Variants in RETSAT observed in about 807,000 individuals in gnomAD.
The protein encoded by RETSAT is all-trans-retinol 13,14-reductase.
RETSAT carries 35 observed loss-of-function variants against 61.6 expected under a neutral mutation model. That is an observed-to-expected ratio of 0.57 (90% CI 0.43 to 0.75). The LOEUF is 0.75. Ranked by LOEUF, RETSAT falls within the 30% of genes least tolerant of loss-of-function variation. The probability of loss-of-function intolerance (pLI) is 0.00; values close to 1 mark genes in which losing one functional copy is unlikely to be tolerated. For missense variants in RETSAT, 670 were observed against 759.5 expected (o/e 0.88, Z 1.38); for synonymous variants, 277 against 310.4 (o/e 0.89, Z 1.13).
chr2:85,346,345 T>C (rs1194521359), intron 5 of RETSAT, among the ~76,000 whole-genome samples: 1 of 152,232 alleles, frequency 6.6e-6, no homozygotes, highest in East Asian at 1.9e-4. Flanking sequence ...TGTATGTTTG[T>C]ATGTACTCTG....
chr2:85,347,810 G>A (rs529919758), intron 5 of RETSAT, among the ~76,000 whole-genome samples: 38 of 152,280 alleles, frequency 2.5e-4, no homozygotes, highest in Middle Eastern at 3.4e-3. Flanking sequence ...AGAAAACCTT[G>A]CCCAACCAAC....
In RETSAT at chr2:85,346,006, G is replaced by A; in HGVS notation, c.1086C>T (p.His362=). 3.1e-6 allele frequency: 5 copies of A among 1,614,192 alleles called. No homozygotes were observed. Among genetic ancestry groups the A allele is most frequent in the Non-Finnish European group, 4.2e-6 (5 of 1,180,032 alleles). Residue 362 remains histidine, a synonymous_variant, in exon 6 of 11, where the codon CAC becomes CAT. Coordinates refer to ENST00000295802, the MANE Select transcript of RETSAT (RefSeq NM_017750.4). ...GGCAGCGGGCGTTCCCCGGCAGTAG[G>A]TGTTCATAGGTGTTGAACAGTCCTG... The part of the protein sequence containing the change: ...SNAGLFNTYE[H]LLPGNARCLP...
Position 85,350,835 on chromosome 2 carries a change from T to C in RETSAT, c.542A>G (p.Lys181Arg). 1.2e-6 allele frequency: 2 copies of C among 1,614,228 alleles called. No homozygotes were observed. Among genetic ancestry groups the C allele is most frequent in the African/African-American group, 2.7e-5 (2 of 75,068 alleles). ...SGEKAYIQGL[K>R]EKFPQEEAII... ...AGCTTCCTCCTGTGGAAACTTCTCC[T>C]TGAGGCCCTGAATGTAGGCTTTCTC... The change falls in exon 3 of 11, where the codon AAG becomes AGG. Residue 181 changes from lysine to arginine, a missense_variant. Transcript: ENST00000295802.
In RETSAT at chr2:85,342,334, A is replaced by T; in HGVS notation, c.*908T>A. The T allele has an allele frequency of 6.3e-6, 1 of 159,784 alleles. No homozygotes were observed. Among genetic ancestry groups the T allele is most frequent in the Non-Finnish European group, 1.4e-5 (1 of 73,164 alleles). The allele number at this position is 159,784 out of a possible 1,614,324, so 9.9% of individuals were successfully genotyped here. A position where few individuals can be genotyped will look rare whatever the true frequency, so the allele number is the denominator to read the frequency against. ...ATGTGACTTCCCTCCCTTACCCCAC[A>T]CCTCCCTGCACTGTCCCCTGCTGTG... On this transcript the variant is annotated 3_prime_UTR_variant, in exon 11 of 11. Transcript: ENST00000295802.
chr2:85,351,670 C>T lies in RETSAT; in HGVS notation c.355+10G>A, dbSNP rs996260506. The T allele has an allele frequency of 1.9e-6, 3 of 1,611,394 alleles. No individual in the cohort carries two copies. The African/African-American group carries it at 4.0e-5, about 21-fold the overall frequency. On this transcript the variant is annotated intron_variant, in intron 2 of 10. Coordinates refer to ENST00000295802, the MANE Select transcript of RETSAT (RefSeq NM_017750.4). Reference sequence around the variant, plus strand: ...GCCATGCTCCCAACCCTTTTCCACACAAGCCTTACCTGTGTCAAATTCAAG... The same window carrying T: ...GCCATGCTCCCAACCCTTTTCCACATAAGCCTTACCTGTGTCAAATTCAAG...
chr2:85,350,021 G>T lies in RETSAT; in HGVS notation c.799+19C>A. The T allele has an allele frequency of 1.2e-6, 2 of 1,610,386 alleles. No individual in the cohort carries two copies. Among genetic ancestry groups the T allele is most frequent in the Non-Finnish European group, 1.7e-6 (2 of 1,177,922 alleles). ...GTTCCTCCTCCAGAAGCTGCCCAGA[G>T]CCCAGGCCCAGTACCCACCGTAAGT... On this transcript the variant is annotated intron_variant, in intron 4 of 10. Transcript: ENST00000295802.
chr2:85,350,937 G>T lies in RETSAT; in HGVS notation c.440C>A (p.Ala147Asp), dbSNP rs781505417. 6.2e-7 allele frequency: 1 copy of T among 1,614,166 alleles called. No homozygotes were observed. The highest frequency in any genetic ancestry group is 8.5e-7 in the Non-Finnish European group (1 of 1,180,006). Reference sequence around the variant, plus strand: ...GATGTCAAAAGGAGAGGACAGGGGAGCCCAGTCCAGCTGCCCTTCAGTGAT... The same window carrying T: ...GATGTCAAAAGGAGAGGACAGGGGATCCCAGTCCAGCTGCCCTTCAGTGAT... ...DQITEGQLDW[A>D]PLSSPFDIMV... Residue 147 changes from alanine (A) to aspartate (D), a missense_variant, in exon 3 of 11, where the codon GCT becomes GAT. Transcript: ENST00000295802.
At chr2:85,345,245 A>G (rs1406740579) in intron 6 of RETSAT, among the ~76,000 whole-genome samples, 2 of 152,072 alleles carry the variant, frequency 1.3e-5, no homozygotes, top group African/African-American at 2.4e-5. Flanking sequence ...AAATCACCCT[A>G]TGCCCTGGAG....
At position 85,354,398 on chromosome 2, in the gene RETSAT, A is replaced by ACAT; in HGVS notation, c.107_109dup (p.Asp36dup). On this transcript the variant is annotated inframe_insertion, in exon 1 of 11. Transcript: ENST00000295802. ...TACCAGGGGCGCTGGGGGCCGTTTG[A>ACAT]CATCTTCGGAGAAAGGATTCGGGGA... 1 of 1,614,160 alleles carries ACAT rather than the reference A, an allele frequency of 6.2e-7. No homozygotes were observed. Among genetic ancestry groups the ACAT allele is most frequent in the Non-Finnish European group, 8.5e-7 (1 of 1,180,006 alleles).
chr2:85,344,001 T>C lies in RETSAT; in HGVS notation c.1531A>G (p.Lys511Glu), dbSNP rs1188442432. The change falls in exon 9 of 11, where the codon AAG becomes GAG. Residue 511 changes from lysine to glutamate, a missense_variant and splice_region_variant. Coordinates refer to ENST00000295802, the MANE Select transcript of RETSAT (RefSeq NM_017750.4). Reference protein sequence around the residue: ...VLKLFPQLEGKVESVTAGSPL... With the variant: ...VLKLFPQLEGEVESVTAGSPL... The stretch of plus-strand genomic sequence containing the variant: ...ACCCCAAATACTTTACCCCCTACCT[T>C]CCCCTCCAGCTGTGGGAACAGTTTC... 4 of 1,613,848 alleles carry C rather than the reference T, an allele frequency of 2.5e-6. No homozygotes were observed. Among genetic ancestry groups the C allele is most frequent in the African/African-American group, 1.3e-5 (1 of 74,912 alleles).
rs1683099833 is a variant in RETSAT at position 85,342,111 on chromosome 2, T to A, written c.*1131A>T. 3.1e-6 allele frequency: 1 copy of A among 327,710 alleles called. No individual in the cohort carries two copies. The highest frequency in any genetic ancestry group is 5.6e-6 in the Non-Finnish European group (1 of 179,406). 20.3% of individuals were successfully genotyped at this position (327,710 alleles called of 1,614,324 possible). On this transcript the variant is annotated 3_prime_UTR_variant, in exon 11 of 11. Coordinates refer to ENST00000295802, the MANE Select transcript of RETSAT (RefSeq NM_017750.4). ...AATTTCAAATGTTAAAGCAATGGAATCAATAAATTTATTAATGTTACATTA... is the reference window on the plus strand; with the variant it reads ...AATTTCAAATGTTAAAGCAATGGAAACAATAAATTTATTAATGTTACATTA...
chr2:85,344,801 AG>A (rs1225353535), intron 6 of RETSAT, 69 bp from the exon 7 acceptor site: 1 of 1,551,208 alleles, frequency 6.4e-7, no homozygotes, highest in African/African-American at 1.4e-5. Context: ...CTCCCAGGAG[AG>A]CCTTGGGGTG....
rs1683257540 is a variant in RETSAT, at chr2:85,349,262, T to C, written c.997+122A>G. 1.7e-5 allele frequency: 15 copies of C among 869,470 alleles called. No individual in the cohort carries two copies. The South Asian group carries it at 2.0e-4, about 12-fold the overall frequency. The allele number at this position is 869,470 out of a possible 1,614,324, so 53.9% of individuals were successfully genotyped here. Reference sequence around the variant, plus strand: ...TCCCTGGACCCTGCTCTGGGGCAGATTCTCACCTTTAGCCTCCATGAGGAG... The same window carrying C: ...TCCCTGGACCCTGCTCTGGGGCAGACTCTCACCTTTAGCCTCCATGAGGAG... On this transcript the variant is annotated intron_variant, in intron 5 of 10. Transcript: ENST00000295802.
In RETSAT at chr2:85,350,235, A is replaced by C. The variant is rs199566957; in HGVS notation, c.604T>G (p.Ser202Ala). Residue 202 changes from serine to alanine, a missense_variant, in exon 4 of 11, where the codon TCC becomes GCC. Ser to Ala is a moderately conservative substitution (Grantham distance 99). Coordinates refer to ENST00000295802, the MANE Select transcript of RETSAT (RefSeq NM_017750.4). ...AGGATGGCATGAGGGGCTCCACTGG[A>C]TACCACCTGGGGGAGTGAATGAGGA... ...DKYIKLVKVV[S>A]SGAPHAILLK... 6.2e-7 allele frequency: 1 copy of C among 1,613,520 alleles called. No homozygotes were observed.
chr2:85,349,913 C>T, intron 4 of RETSAT, 127 bp downstream of exon 4: 1 of 875,564 alleles, frequency 1.1e-6, no homozygotes, highest in Non-Finnish European at 1.8e-6. Context: ...TCCACAAGCT[C>T]CAGAGGGCCT....
chr2:85,350,689 C>T, intron 3 of RETSAT, 91 bp downstream of exon 3: 2 of 1,480,146 alleles, frequency 1.4e-6, no homozygotes, highest in Non-Finnish European at 1.9e-6. Context: ...GCCTCCCGCA[C>T]TGCACTCTCC....
chr2:85,344,706 G>A lies in RETSAT; in HGVS notation c.1144C>T (p.Arg382Trp), dbSNP rs573635973. 7 of 1,614,096 alleles carry A rather than the reference G, an allele frequency of 4.3e-6. No homozygotes were observed. The highest frequency in any genetic ancestry group is 5.9e-6 in the Non-Finnish European group (7 of 1,179,978). The change falls in exon 7 of 11, where the codon CGG becomes TGG. Residue 382 changes from arginine to tryptophan, a missense_variant. Coordinates refer to ENST00000295802, the MANE Select transcript of RETSAT (RefSeq NM_017750.4). ...ACAGAGGTCATGCCTAAGCCGGGCC[G>A]CACCGTCCCCAGTTGCTGCTTCACA... ...PGVKQQLGTVRPGLGMTSVFI... is the reference protein window; with the variant it reads ...PGVKQQLGTVWPGLGMTSVFI...
rs1003751454 is a variant in RETSAT, at chr2:85,350,391, T to A, written c.598-150A>T. ...TTGAATATTTTTAAAAAATCTATAC[T>A]CTGTGAATTTTTCCCATCCTACACT... is the stretch of plus-strand genomic sequence containing the variant. On this transcript the variant is annotated intron_variant, in intron 3 of 10. Transcript: ENST00000295802. The A allele has an allele frequency of 4.1e-5, 27 of 658,376 alleles. No homozygotes were observed. The Middle Eastern group carries it at 1.0e-3, about 25-fold the overall frequency. 40.8% of individuals were successfully genotyped at this position (658,376 alleles called of 1,614,324 possible). A position where few individuals can be genotyped will look rare whatever the true frequency, so the allele number is the denominator to read the frequency against.
intron 5 of RETSAT, among the ~76,000 whole-genome samples, chr2:85,346,437 T>G (rs1283691684): frequency 6.6e-6 from 1 of 151,980 alleles, no homozygotes; most frequent in African/African-American, 2.4e-5. Context: ...GCTGCCAGAG[T>G]TGTTTCCAAA....
Sources: allele counts gnomAD v4.1 joint callset (sites outside exome capture counted in the v4.1 genomes callset), GRCh38; gene constraint gnomAD v4.1.1; transcripts MANE v1.5; gene names NCBI Gene and HGNC (gene_info 2026-07-23, HGNC 2026-07-21).